GAB2: variants seen among roughly 807,000 people sequenced by gnomAD.
GAB2 encodes the protein GRB2 associated binding protein 2.
Under a neutral mutation model 65.5 loss-of-function variants are expected in GAB2, and 26 were observed. The observed-to-expected ratio is 0.40, with a 90% CI of 0.29 to 0.55. The LOEUF is 0.55. Among genes scored for constraint, GAB2 ranks in the 20% least tolerant of loss-of-function variants. The pLI, the probability that GAB2 is intolerant of heterozygous loss-of-function variation, is 0.53. For missense variants in GAB2, 884 were observed against 875.8 expected (o/e 1.01, Z -0.12); for synonymous variants, 321 against 329.6 (o/e 0.97, Z 0.28).
intron 1 of GAB2, among the ~76,000 whole-genome samples, chr11:78,332,297 T>C (rs879732441): frequency 1.3e-5 from 2 of 152,134 alleles, no homozygotes; most frequent in Middle Eastern, 3.2e-3. Flanking sequence ...TTTAAAGAAG[T>C]GACTGAGGAA....
chr11:78,305,900 C>T (rs1407136038), intron 1 of GAB2, among the ~76,000 whole-genome samples: 1 of 152,148 alleles, frequency 6.6e-6, no homozygotes, highest in Non-Finnish European at 1.5e-5. Context: ...CATGCTCAAC[C>T]CTAGTGAAAT....
At chr11:78,375,547 C>G (rs1856621979) in intron 1 of GAB2, among the ~76,000 whole-genome samples, 1 of 152,134 alleles carries the variant, frequency 6.6e-6, no homozygotes, top group Admixed American at 6.5e-5. Flanking sequence ...GATCAGCAAT[C>G]TAGAGGTATA....
chr11:78,347,303 G>C (rs930380396), intron 1 of GAB2, among the ~76,000 whole-genome samples: 1 of 152,118 alleles, frequency 6.6e-6, no homozygotes, highest in Non-Finnish European at 1.5e-5. Flanking sequence ...AATGTCCTCC[G>C]AGTGTCAACT....
intron 1 of GAB2, among the ~76,000 whole-genome samples, chr11:78,365,421 G>A (rs567664204): frequency 6.6e-6 from 1 of 152,148 alleles, no homozygotes; most frequent in African/African-American, 2.4e-5. Flanking sequence ...ACCTGCTCTG[G>A]GATTTAGAGG....
chr11:78,229,083 T>A lies in GAB2; in HGVS notation c.621-2032A>T, dbSNP rs566391306. 2.0e-5 allele frequency among the ~76,000 whole-genome samples: 3 copies of A among 152,212 alleles called. No individual in the cohort carries two copies. The East Asian group carries it at 5.8e-4, about 29-fold the overall frequency. On this transcript the variant is annotated intron_variant, in intron 3 of 9. Coordinates refer to ENST00000361507, the MANE Select transcript of GAB2 (RefSeq NM_080491.3). Reference sequence around the variant, plus strand: ...GGGCAGGAGATGACATGGATGCAAATCATTACAGTCAAGTAGGGGTGAGTA... The same window carrying A: ...GGGCAGGAGATGACATGGATGCAAAACATTACAGTCAAGTAGGGGTGAGTA...
At chr11:78,242,801 T>G (rs1178983189) in intron 3 of GAB2, among the ~76,000 whole-genome samples, 1 of 152,164 alleles carries the variant, frequency 6.6e-6, no homozygotes, top group Middle Eastern at 3.2e-3. Flanking sequence ...AGTTAATTTT[T>G]TCAAAGAATA....
At chr11:78,307,319 G>GT (rs1369055406) in intron 1 of GAB2, among the ~76,000 whole-genome samples, 1 of 151,586 alleles carries the variant, frequency 6.6e-6, no homozygotes, top group Non-Finnish European at 1.5e-5. Flanking sequence ...ATGTTGTGAA[G>GT]TTAAAAAAAA....
chr11:78,409,472 T>G (rs1447315793), intron 1 of GAB2, among the ~76,000 whole-genome samples: 1 of 152,098 alleles, frequency 6.6e-6, no homozygotes, highest in Non-Finnish European at 1.5e-5. Flanking sequence ...TAATCCCAAC[T>G]ACTTGGGAGG....
intron 1 of GAB2, among the ~76,000 whole-genome samples, chr11:78,349,626 G>C (rs972129389): frequency 6.6e-6 from 1 of 152,224 alleles, no homozygotes; most frequent in Non-Finnish European, 1.5e-5. Flanking sequence ...AGAGCTGCTA[G>C]AGATTTCCTT....
At chr11:78,292,040 GAGTC>G (rs1565145903) in intron 1 of GAB2, among the ~76,000 whole-genome samples, 3 of 151,830 alleles carry the variant, frequency 2.0e-5, no homozygotes, top group Admixed American at 6.6e-5. Context: ...GAGAGAGAGA[GAGTC>G]AGTCTTTGTT....
At chr11:78,305,701 A>G (rs527980403) in intron 1 of GAB2, among the ~76,000 whole-genome samples, 1 of 152,270 alleles carries the variant, frequency 6.6e-6, no homozygotes. Flanking sequence ...GCAGCTAAAT[A>G]AATATTAGAG....
At chr11:78,230,635 G>C (rs1284487702) in intron 3 of GAB2, among the ~76,000 whole-genome samples, 1 of 152,258 alleles carries the variant, frequency 6.6e-6, no homozygotes, top group Non-Finnish European at 1.5e-5. Flanking sequence ...CCCTGGCATA[G>C]TGCCAGGCAT....
chr11:78,289,075 C>T lies in GAB2; in HGVS notation c.76-8174G>A, dbSNP rs534638951. Among the ~76,000 whole-genome samples, 16 of 152,296 alleles carry T rather than the reference C, an allele frequency of 1.1e-4. No homozygotes were observed. In the South Asian group the frequency reaches 3.1e-3, roughly 30 times the overall value. ...AAACAGACCCTCACAATATGCCCAACTGATTTTTCACAAACGTGTAAAAGC... is the reference window on the plus strand; with the variant it reads ...AAACAGACCCTCACAATATGCCCAATTGATTTTTCACAAACGTGTAAAAGC... On this transcript the variant is annotated intron_variant, in intron 1 of 9. Coordinates refer to ENST00000361507, the MANE Select transcript of GAB2 (RefSeq NM_080491.3).
chr11:78,266,756 G>A (rs141097226), intron 2 of GAB2, among the ~76,000 whole-genome samples: 7 of 152,252 alleles, frequency 4.6e-5, no homozygotes, highest in Non-Finnish European at 8.8e-5. Flanking sequence ...AGGCTGGTTT[G>A]GCAGAGAGAA....
chr11:78,379,620 T>C (rs1230426606), intron 1 of GAB2, among the ~76,000 whole-genome samples: 3 of 152,270 alleles, frequency 2.0e-5, no homozygotes, highest in Non-Finnish European at 2.9e-5. Flanking sequence ...AATTCAGTTC[T>C]ATTTTAACAT....
At chr11:78,413,515 G>A (rs1473950197) in intron 1 of GAB2, among the ~76,000 whole-genome samples, 2 of 152,148 alleles carry the variant, frequency 1.3e-5, no homozygotes, top group African/African-American at 2.4e-5. Context: ...CCTGGGTATC[G>A]CTGGTGCCTT....
chr11:78,276,353 T>C (rs1420359936), intron 2 of GAB2, among the ~76,000 whole-genome samples: 1 of 152,096 alleles, frequency 6.6e-6, no homozygotes, highest in Non-Finnish European at 1.5e-5. Flanking sequence ...TCAAGCGATC[T>C]TCCTGTCTTA....
At chr11:78,345,051 G>A (rs1465448489) in intron 1 of GAB2, among the ~76,000 whole-genome samples, 6 of 152,266 alleles carry the variant, frequency 3.9e-5, no homozygotes, top group Middle Eastern at 3.4e-3. Flanking sequence ...GGAGGGAGGC[G>A]GGTGAATCAC....
At position 78,336,837 on chromosome 11, in the gene GAB2, T is replaced by A. The variant is rs144342747; in HGVS notation, c.76-55936A>T. 4.0e-3 allele frequency among the ~76,000 whole-genome samples: 614 copies of A among 152,334 alleles called. 2 individuals are homozygous for A. Among genetic ancestry groups the A allele is most frequent in the Non-Finnish European group, 6.8e-3 (465 of 68,024 alleles). On this transcript the variant is annotated intron_variant, in intron 1 of 9. Transcript: ENST00000361507. ...GAAAAATGTTAGGAAATTCTTGTTA[T>A]CTGTGCAATTAGAAACAAAATAAAC...
Sources: allele counts gnomAD v4.1 joint callset (sites outside exome capture counted in the v4.1 genomes callset), GRCh38; gene constraint gnomAD v4.1.1; transcripts MANE v1.5; gene names NCBI Gene and HGNC (gene_info 2026-07-23, HGNC 2026-07-21).